RIMS1: variants seen among roughly 807,000 people sequenced by gnomAD.
The protein encoded by RIMS1 is regulating synaptic membrane exocytosis 1.
Under a neutral mutation model 214.1 loss-of-function variants are expected in RIMS1, and 83 were observed. That is an observed-to-expected ratio of 0.39 (90% CI 0.32 to 0.47). The LOEUF (loss-of-function observed/expected upper bound fraction) is 0.47, where lower values mean the gene tolerates loss of function less well. RIMS1 is among the 20% of genes least tolerant of loss of function. The pLI, the probability that RIMS1 is intolerant of heterozygous loss-of-function variation, is 0.99. For missense variants in RIMS1, 2,050 were observed against 2,161.8 expected, an observed-to-expected ratio of 0.95 and a Z score of 1.03; for synonymous variants, 793 against 786.8, an observed-to-expected ratio of 1.01 and a Z score of -0.13.
chr6:72,362,617 C>G (rs2097861443), intron 29 of RIMS1, among the ~76,000 whole-genome samples: 1 of 152,098 alleles, frequency 6.6e-6, no homozygotes, highest in South Asian at 2.1e-4. Context: ...TTTAATATAC[C>G]CATATAGTAG....
At chr6:72,396,074 G>A (rs1175382616) in intron 31 of RIMS1, among the ~76,000 whole-genome samples, 1 of 150,936 alleles carries the variant, frequency 6.6e-6, no homozygotes, top group Non-Finnish European at 1.5e-5. Flanking sequence ...CAACCAAATG[G>A]GATTTTTTTT....
At chr6:72,307,487 G>A in intron 27 of RIMS1, 117 bp downstream of exon 27, 1 of 625,886 alleles carries the variant, frequency 1.6e-6, no homozygotes, top group Non-Finnish European at 2.7e-6. Context: ...GGCCGGGCAT[G>A]GTAGCTCACA....
chr6:72,110,437 C>T (rs917220785), intron 4 of RIMS1, among the ~76,000 whole-genome samples: 4 of 150,674 alleles, frequency 2.7e-5, no homozygotes, highest in African/African-American at 9.8e-5. Flanking sequence ...AAGTTGGATT[C>T]CTAGGTATTT....
intron 25 of RIMS1, among the ~76,000 whole-genome samples, chr6:72,291,133 A>G (rs1050747685): frequency 1.3e-5 from 2 of 152,164 alleles, no homozygotes; most frequent in African/African-American, 4.8e-5. Context: ...ATATTCATAT[A>G]TAATTTTTTT....
At chr6:72,344,808 G>A (rs1237585223) in intron 29 of RIMS1, among the ~76,000 whole-genome samples, 3 of 151,724 alleles carry the variant, frequency 2.0e-5, no homozygotes. Flanking sequence ...ACATACTCCA[G>A]CTGGTCTATG....
Position 72,387,834 on chromosome 6 carries a change from T to G in RIMS1, c.4367-2764T>G, listed in dbSNP as rs1472595877. ...CATTTCAACTTCTAGTAATTCATTC[T>G]GTAGAAGCTCTCCTATAACAACTGG... On this transcript the variant is annotated intron_variant, in intron 29 of 33. Coordinates refer to ENST00000521978, the MANE Select transcript of RIMS1 (RefSeq NM_014989.7). Among the ~76,000 whole-genome samples the G allele has an allele frequency of 5.3e-5, 8 of 152,370 alleles. No individual in the cohort carries two copies. The East Asian group carries it at 1.3e-3, about 26-fold the overall frequency.
At chr6:72,012,285 A>G (rs1810985431) in intron 2 of RIMS1, among the ~76,000 whole-genome samples, 1 of 152,088 alleles carries the variant, frequency 6.6e-6, no homozygotes, top group Non-Finnish European at 1.5e-5. Context: ...AACAATGAGA[A>G]CACGTGGACA....
At position 71,886,875 on chromosome 6, in the gene RIMS1, T is replaced by TGCTGCTGCTGCCGCCGCC. The variant is rs1767901252; in HGVS notation, c.-146_-129dup. ...TTCTCGCTCTCCCCGGCTCTGCTGC[T>TGCTGCTGCTGCCGCCGCC]GCTGCTGCTGCCGCCGCCGCCGCTG... On this transcript the variant is annotated 5_prime_UTR_variant, in exon 1 of 34. Coordinates refer to ENST00000521978, the MANE Select transcript of RIMS1 (RefSeq NM_014989.7). 7.6e-6 allele frequency: 6 copies of TGCTGCTGCTGCCGCCGCC among 789,168 alleles called. No homozygotes were observed. The highest frequency in any genetic ancestry group is 1.2e-5 in the Non-Finnish European group (6 of 487,126). The allele number at this position is 789,168 out of a possible 1,614,324, so 48.9% of individuals were successfully genotyped here.
At chr6:72,335,889 G>A (rs919049238) in intron 29 of RIMS1, among the ~76,000 whole-genome samples, 2 of 151,870 alleles carry the variant, frequency 1.3e-5, no homozygotes, top group African/African-American at 2.4e-5. Context: ...AGAAGTGTTT[G>A]TTCATATTCT....
At chr6:72,399,399 GATAA>G (rs893338236) in intron 33 of RIMS1, among the ~76,000 whole-genome samples, 1 of 151,778 alleles carries the variant, frequency 6.6e-6, no homozygotes, top group Non-Finnish European at 1.5e-5. Flanking sequence ...ATAGATAGAT[GATAA>G]ATAGATAGAT....
intron 2 of RIMS1, among the ~76,000 whole-genome samples, chr6:72,020,582 C>T (rs183040938): frequency 6.6e-6 from 1 of 152,158 alleles, no homozygotes; most frequent in Non-Finnish European, 1.5e-5. Context: ...AATTCCTGCT[C>T]TCCTTTTATT....
intron 6 of RIMS1, among the ~76,000 whole-genome samples, chr6:72,203,581 CAGA>C (rs1562569002): frequency 6.6e-6 from 1 of 152,064 alleles, no homozygotes; most frequent in Non-Finnish European, 1.5e-5. Flanking sequence ...CCTTGGGTAA[CAGA>C]AGGAGAGGGT....
chr6:72,278,151 TAATC>T (rs67357566), intron 23 of RIMS1, among the ~76,000 whole-genome samples: 31,266 of 121,122 alleles, frequency 0.26, 3,666 homozygotes, highest in East Asian at 0.39. Context: ...GAATGGTTTT[TAATC>T]TATCTATCTA....
At chr6:72,156,697 G>A (rs1397033658) in intron 4 of RIMS1, among the ~76,000 whole-genome samples, 2 of 139,694 alleles carry the variant, frequency 1.4e-5, no homozygotes, top group African/African-American at 4.9e-5. Flanking sequence ...CTTGATTGTG[G>A]TAATCACTTT....
chr6:72,071,892 G>T (rs1830656815), intron 2 of RIMS1, among the ~76,000 whole-genome samples: 1 of 152,154 alleles, frequency 6.6e-6, no homozygotes, highest in Non-Finnish European at 1.5e-5. Flanking sequence ...CTCAGGGAAG[G>T]ACATAACAGA....
chr6:72,222,898 A>G (rs533432745), intron 6 of RIMS1, among the ~76,000 whole-genome samples: 3 of 152,204 alleles, frequency 2.0e-5, no homozygotes, highest in African/African-American at 4.8e-5. Context: ...AATTATGTTC[A>G]TAGAGCTACA....
chr6:71,936,146 C>T (rs1265948304), intron 1 of RIMS1, among the ~76,000 whole-genome samples: 2 of 151,222 alleles, frequency 1.3e-5, no homozygotes, highest in Admixed American at 6.6e-5. Flanking sequence ...GTCAGGAGAT[C>T]GAGACCCCGT....
chr6:72,322,211 T>C lies in RIMS1; in HGVS notation c.4130+8539T>C, dbSNP rs575356670. Among the ~76,000 whole-genome samples, 216 of 152,142 alleles carry C rather than the reference T, an allele frequency of 1.4e-3. 1 individual carries two copies. Among genetic ancestry groups the C allele is most frequent in the African/African-American group, 4.7e-3 (194 of 41,526 alleles). On this transcript the variant is annotated intron_variant, in intron 28 of 33. Coordinates refer to ENST00000521978, the MANE Select transcript of RIMS1 (RefSeq NM_014989.7). ...TAGAATATGTAAGAGCTAGGGGAAG[T>C]TTTAGCCCTGGAGCACCTTGAAACA...
At chr6:72,184,215 G>A (rs1201904716) in intron 6 of RIMS1, among the ~76,000 whole-genome samples, 1 of 152,170 alleles carries the variant, frequency 6.6e-6, no homozygotes, top group Non-Finnish European at 1.5e-5. Flanking sequence ...CATACAGAGT[G>A]TCATTAGTGA....
Sources: gnomAD v4.1 joint callset for allele counts (sites outside exome capture counted in the v4.1 genomes callset) on GRCh38, gnomAD v4.1.1 for gene constraint, MANE v1.5 for transcripts, NCBI Gene and HGNC (gene_info 2026-07-23, HGNC 2026-07-21) for gene names.